Variants in OCA2 observed in about 807,000 individuals in gnomAD.
OCA2 encodes P protein.
A neutral mutation model predicts 100.2 loss-of-function variants in OCA2; 77 were observed. The ratio of observed to expected loss-of-function variants is 0.77; its 90% CI spans 0.64 to 0.93. The LOEUF (loss-of-function observed/expected upper bound fraction) is 0.93, where lower values mean the gene tolerates loss of function less well. Among genes scored for constraint, OCA2 ranks in the 40% least tolerant of loss-of-function variants. The pLI is 0.00. For synonymous variants in OCA2, 432 were observed against 439.2 expected (o/e 0.98, Z 0.21); for missense variants, 1,062 against 1,089.1 (o/e 0.98, Z 0.35).
At chr15:28,000,992 C>G (rs571913020) in intron 9 of OCA2, among the ~76,000 whole-genome samples, 3 of 152,186 alleles carry the variant, frequency 2.0e-5, no homozygotes, top group South Asian at 2.1e-4. Context: ...GAAAAGGGAA[C>G]CCTAGTATGC....
At chr15:27,721,060 C>T in the OCA2 span, among the ~76,000 whole-genome samples, 19 of 152,146 alleles carry the variant, frequency 1.2e-4, no homozygotes, top group Non-Finnish European at 1.9e-4. Flanking sequence ...TGCGCGGCTA[C>T]CTTTATGGTT....
intron 22 of OCA2, among the ~76,000 whole-genome samples, chr15:27,849,259 C>T (rs1276118718): frequency 6.6e-6 from 1 of 152,172 alleles, no homozygotes; most frequent in Non-Finnish European, 1.5e-5. Flanking sequence ...CACGTGCTGC[C>T]TGAGTTGTTG....
At position 27,796,069 on chromosome 15, in the gene OCA2, C is replaced by A. The variant is rs2033317151; in HGVS notation, c.2433-40597G>T. ...CCACTACCAGCCTGGTTACGTACTC[C>A]CAGAAGGGAAAAGAAGATGCTCCAG... On this transcript the variant is annotated intron_variant, in intron 23 of 23. Transcript: ENST00000354638. 3.3e-5 allele frequency among the ~76,000 whole-genome samples: 5 copies of A among 152,184 alleles called. No homozygotes were observed. The South Asian group carries it at 1.0e-3, about 32-fold the overall frequency.
intron 2 of OCA2, among the ~76,000 whole-genome samples, chr15:28,077,612 G>A (rs139577296): frequency 9.3e-4 from 142 of 152,280 alleles, no homozygotes; most frequent in African/African-American, 3.3e-3. Context: ...AATGAAGTCT[G>A]CTTTCTCCAT....
intron 15 of OCA2, among the ~76,000 whole-genome samples, chr15:27,961,317 A>G (rs1367697815): frequency 2.6e-5 from 4 of 152,204 alleles, no homozygotes; most frequent in Non-Finnish European, 5.9e-5. Context: ...TGGAGAGGAT[A>G]TGGAGAAATA....
At chr15:27,897,025 C>T (rs2037726000) in intron 19 of OCA2, among the ~76,000 whole-genome samples, 1 of 151,946 alleles carries the variant, frequency 6.6e-6, no homozygotes, top group Non-Finnish European at 1.5e-5. Context: ...CCTGTCTCTA[C>T]TAAAAATACA....
chr15:27,944,506 C>T (rs574555333), intron 18 of OCA2, among the ~76,000 whole-genome samples: 1 of 152,270 alleles, frequency 6.6e-6, no homozygotes, highest in African/African-American at 2.4e-5. Flanking sequence ...ATGCAACTTC[C>T]CCAGTTACTC....
At chr15:28,056,083 G>C (rs2043685375) in intron 2 of OCA2, among the ~76,000 whole-genome samples, 1 of 151,980 alleles carries the variant, frequency 6.6e-6, no homozygotes, top group African/African-American at 2.4e-5. Context: ...GGAGCCTCGT[G>C]GCCCTGGGCT....
chr15:27,782,488 C>T lies in OCA2; in HGVS notation c.2433-27016G>A, dbSNP rs60389254. Among the ~76,000 whole-genome samples the T allele has an allele frequency of 5.6e-3, 857 of 152,296 alleles. 14 individuals are homozygous for T. The highest frequency in any genetic ancestry group is 0.02 in the African/African-American group (825 of 41,558). ...AAACCACAGCAAAAATGTCAACTCA[C>T]ATAAAAGGTGACATTTCTAAGAATA... On this transcript the variant is annotated intron_variant, in intron 23 of 23. Coordinates refer to ENST00000354638, the MANE Select transcript of OCA2 (RefSeq NM_000275.3).
chr15:27,887,284 C>T (rs4778129), intron 19 of OCA2, among the ~76,000 whole-genome samples: 37,492 of 151,692 alleles, frequency 0.25, 5,589 homozygotes, highest in East Asian at 0.56. Context: ...GGGAACAGCA[C>T]AGCTGCAGGG....
chr15:27,756,946 C>T (rs111773132), intron 23 of OCA2, among the ~76,000 whole-genome samples: 40 of 152,338 alleles, frequency 2.6e-4, no homozygotes, highest in African/African-American at 9.1e-4. Flanking sequence ...AGGAGCATCA[C>T]CTAGCATCAC....
chr15:27,802,467 G>A (rs1280177621), intron 23 of OCA2, among the ~76,000 whole-genome samples: 1 of 151,990 alleles, frequency 6.6e-6, no homozygotes, highest in Non-Finnish European at 1.5e-5. Flanking sequence ...AAATTCATAT[G>A]GAAATGCAGG....
Position 28,069,384 on chromosome 15 carries a change from C to CT in OCA2, c.227+12263_227+12264insA, listed in dbSNP as rs371498604. ...TCTCCCTCTCCCTCTCCCTCTCCCT[C>CT]CCCCTCCCCCTCCCCCTCCCCTTCC... On this transcript the variant is annotated intron_variant, in intron 2 of 23. Transcript: ENST00000354638. Among the ~76,000 whole-genome samples, 56 of 10,440 alleles carry CT rather than the reference C, an allele frequency of 5.4e-3. 2 individuals are homozygous for CT. The highest frequency in any genetic ancestry group is 0.045 in the African/African-American group (32 of 714). 6.8% of individuals were successfully genotyped at this position (10,440 alleles called of 152,430 possible).
chr15:27,958,787 C>T (rs997239769), intron 15 of OCA2, among the ~76,000 whole-genome samples: 2 of 152,100 alleles, frequency 1.3e-5, no homozygotes, highest in Admixed American at 1.3e-4. Context: ...TGAACCATCC[C>T]TTACGTGCAA....
chr15:27,776,288 C>T (rs1168889464), intron 23 of OCA2, among the ~76,000 whole-genome samples: 1 of 152,128 alleles, frequency 6.6e-6, no homozygotes, highest in Non-Finnish European at 1.5e-5. Context: ...TTCTGCACAC[C>T]ATCTCTTCTT....
chr15:27,955,991 G>A (rs1420960744), intron 16 of OCA2, among the ~76,000 whole-genome samples: 3 of 152,250 alleles, frequency 2.0e-5, no homozygotes, highest in Non-Finnish European at 4.4e-5. Flanking sequence ...AGTCTGGGTC[G>A]TAAGAAATCA....
chr15:28,038,426 T>C (rs572866643), intron 2 of OCA2, among the ~76,000 whole-genome samples: 1 of 152,158 alleles, frequency 6.6e-6, no homozygotes, highest in East Asian at 1.9e-4. Context: ...CCTTTAAGTG[T>C]AACGTAACAC....
intron 9 of OCA2, among the ~76,000 whole-genome samples, chr15:27,991,850 C>T (rs2041565797): frequency 6.6e-6 from 1 of 152,192 alleles, no homozygotes; most frequent in South Asian, 2.1e-4. Flanking sequence ...TTCCATCTCA[C>T]AGAAACTGAC....
At chr15:27,915,930 G>A (rs1039664989) in intron 19 of OCA2, among the ~76,000 whole-genome samples, 2 of 152,174 alleles carry the variant, frequency 1.3e-5, no homozygotes, top group African/African-American at 4.8e-5. Context: ...CAATAGCAAA[G>A]ACATGGAATC....
Sources: allele counts gnomAD v4.1 joint callset (sites outside exome capture counted in the v4.1 genomes callset), GRCh38; gene constraint gnomAD v4.1.1; transcripts MANE v1.5; gene names NCBI Gene and HGNC (gene_info 2026-07-23, HGNC 2026-07-21).